MAX: variants seen among roughly 807,000 people sequenced by gnomAD.
MAX encodes the protein MYC associated transcriptional regulator X.
MAX carries 3 observed loss-of-function variants against 22.3 expected under a neutral mutation model. The ratio of observed to expected loss-of-function variants is 0.13; its 90% CI spans 0.06 to 0.35. The LOEUF is 0.35. Among genes scored for constraint, MAX ranks in the 10% least tolerant of loss-of-function variants. The pLI is 1.00. For missense variants in MAX, 119 were observed against 209.4 expected (o/e 0.57, Z 2.66); for synonymous variants, 72 against 77.7 (o/e 0.93, Z 0.39).
intron 3 of MAX, among the ~76,000 whole-genome samples, chr14:65,051,722 T>G (rs1262030674): frequency 6.6e-6 from 1 of 152,172 alleles, no homozygotes; most frequent in African/African-American, 2.4e-5. Flanking sequence ...TTTCCCCCGT[T>G]TTTCTTTTTT....
intron 3 of MAX, among the ~76,000 whole-genome samples, chr14:65,083,260 C>T (rs1434780426): frequency 6.6e-6 from 1 of 152,200 alleles, no homozygotes; most frequent in East Asian, 1.9e-4. Flanking sequence ...CAAGAACTGA[C>T]TACATATGTC....
intron 3 of MAX, among the ~76,000 whole-genome samples, chr14:65,067,812 T>TG (rs1348394791): frequency 2.0e-5 from 3 of 147,606 alleles, no homozygotes; most frequent in Admixed American, 2.0e-4. Flanking sequence ...TTTTTTTTTT[T>TG]GGTAGAGGCA....
In MAX at chr14:65,054,477, A is replaced by C; in HGVS notation, c.171+39231T>G. 2 of 1,180,676 alleles carry C rather than the reference A, an allele frequency of 1.7e-6. No homozygotes were observed. The allele number at this position is 1,180,676 out of a possible 1,614,324, so 73.1% of individuals were successfully genotyped here. A position where few individuals can be genotyped will look rare whatever the true frequency, so the allele number is the denominator to read the frequency against. The stretch of plus-strand genomic sequence containing the variant: ...CTAGCCACATGGAGGATGGGGGGGG[A>C]CGTGTGATTGCACCAGTGGTCTCTG... On this transcript the variant is annotated intron_variant, in intron 3 of 3. Transcript: ENST00000341653. The surrounding 1 kb of genome is among the most constrained non-coding windows in gnomAD (Gnocchi z 4.4).
intron 3 of MAX, among the ~76,000 whole-genome samples, chr14:65,018,838 C>T (rs1054211298): frequency 2.7e-5 from 4 of 148,590 alleles, no homozygotes; most frequent in Admixed American, 2.0e-4. Flanking sequence ...AGGCCAGGCG[C>T]GGTGGCTCAC....
At position 65,082,925 on chromosome 14, in the gene MAX, G is replaced by GC. The variant is rs2063235692; in HGVS notation, c.172-4890_172-4889insG. ...CCTCAAGATGCAAGCGAGCTTGAGAGAACTGACCTAACCATCTGGTCTGGA... is the reference window on the plus strand; with the variant it reads ...CCTCAAGATGCAAGCGAGCTTGAGAGCAACTGACCTAACCATCTGGTCTGGA... On this transcript the variant is annotated intron_variant, in intron 3 of 4. Coordinates refer to ENST00000358664, the MANE Select transcript of MAX (RefSeq NM_002382.5). This position sits in a 1 kb window ranked among gnomAD's most constrained non-coding sequence, Gnocchi z 4.8. 1.3e-5 allele frequency among the ~76,000 whole-genome samples: 2 copies of GC among 152,212 alleles called. No individual in the cohort carries two copies. Among genetic ancestry groups the GC allele is most frequent in the African/African-American group, 4.8e-5 (2 of 41,460 alleles).
Position 65,044,247 on chromosome 14 carries a change from TTC to T in MAX, c.172-37965_172-37964del, listed in dbSNP as rs777164875. The T allele has an allele frequency of 2.5e-6, 4 of 1,606,682 alleles. No homozygotes were observed. Among genetic ancestry groups the T allele is most frequent in the Non-Finnish European group, 3.4e-6 (4 of 1,177,136 alleles). On this transcript the variant is annotated intron_variant, in intron 3 of 3. Coordinates refer to the MAX transcript ENST00000341653. This position sits in a 1 kb window ranked among gnomAD's most constrained non-coding sequence, Gnocchi z 5.5. ...CATCCCACAGATTGACTCCTGGAGA[TTC>T]TGTCGGGCTGGATTTTGTCTCTTTT...
intron 3 of MAX, among the ~76,000 whole-genome samples, chr14:65,083,400 G>A (rs1392197349): frequency 2.0e-5 from 3 of 152,316 alleles, no homozygotes; most frequent in African/African-American, 7.2e-5. Flanking sequence ...TTAAAGCAAT[G>A]GTTCTCAAAA....
intron 3 of MAX, among the ~76,000 whole-genome samples, chr14:65,058,924 T>C (rs1024124872): frequency 6.6e-6 from 1 of 152,248 alleles, no homozygotes; most frequent in Non-Finnish European, 1.5e-5. Context: ...GAAAGATTGA[T>C]CTAAAATTTT....
Position 65,075,210 on chromosome 14 carries a change from A to G in MAX, c.*1266T>C. On this transcript the variant is annotated 3_prime_UTR_variant, in exon 5 of 5. Coordinates refer to ENST00000358664, the MANE Select transcript of MAX (RefSeq NM_002382.5). This position sits in a 1 kb window ranked among gnomAD's most constrained non-coding sequence, Gnocchi z 4.1. ...AAGACAATTCTTCGGCAGTATGTAC[A>G]ACATACTTTTTATTTCCATGGAATG... The G allele has an allele frequency of 2.9e-6, 3 of 1,049,748 alleles. No individual in the cohort carries two copies. Among genetic ancestry groups the G allele is most frequent in the Non-Finnish European group, 3.5e-6 (3 of 869,464 alleles). 65.0% of individuals were successfully genotyped at this position (1,049,748 alleles called of 1,614,324 possible). A position where few individuals can be genotyped will look rare whatever the true frequency, so the allele number is the denominator to read the frequency against.
chr14:65,076,733 G>A lies in MAX; in HGVS notation c.296-70C>T. On this transcript the variant is annotated intron_variant, in intron 4 of 4. Coordinates refer to ENST00000358664, the MANE Select transcript of MAX (RefSeq NM_002382.5). The surrounding 1 kb of genome is among the most constrained non-coding windows in gnomAD (Gnocchi z 6.6). ...GGGGAGTAACCGAGTCTCAGACTCA[G>A]GGTCCAGCCTGTTCTTCCTAAGGGC... 3.2e-6 allele frequency: 5 copies of A among 1,586,000 alleles called. No homozygotes were observed. Among genetic ancestry groups the A allele is most frequent in the South Asian group, 1.1e-5 (1 of 90,238 alleles).
rs964162351 is a variant in MAX at position 65,030,221 on chromosome 14, G to A, written c.172-23937C>T. ...CTCTTTAAGAGGCCTACAATTGCAA[G>A]GAAATTAGACAGATCTTCAAAATTA... On this transcript the variant is annotated intron_variant, in intron 3 of 3. Transcript: ENST00000341653. This position sits in a 1 kb window ranked among gnomAD's most constrained non-coding sequence, Gnocchi z 4.5. Among the ~76,000 whole-genome samples, 2 of 152,186 alleles carry A rather than the reference G, an allele frequency of 1.3e-5. No individual in the cohort carries two copies. The highest frequency in any genetic ancestry group is 4.8e-5 in the African/African-American group (2 of 41,452).
At chr14:65,019,392 CAGG>C (rs2061845069) in intron 3 of MAX, among the ~76,000 whole-genome samples, 1 of 151,796 alleles carries the variant, frequency 6.6e-6, no homozygotes, top group South Asian at 2.1e-4. Context: ...GAGACTGAAG[CAGG>C]AGAATTGCTT....
At chr14:65,099,076 C>G (rs546507643) in intron 2 of MAX, among the ~76,000 whole-genome samples, 1 of 152,060 alleles carries the variant, frequency 6.6e-6, no homozygotes, top group Admixed American at 6.5e-5. Context: ...GAATAGCTCC[C>G]TCTTAAATTT....
intron 3 of MAX, among the ~76,000 whole-genome samples, chr14:65,087,831 A>G (rs150037708): frequency 1.3e-5 from 2 of 152,278 alleles, no homozygotes; most frequent in East Asian, 3.9e-4. Flanking sequence ...GCAGAATAAT[A>G]TAGTTTGGCT....
chr14:65,072,835 T>C (rs914821118), downstream of MAX, among the ~76,000 whole-genome samples: 1 of 152,252 alleles, frequency 6.6e-6, no homozygotes, highest in East Asian at 1.9e-4. Context: ...CCACAGGGGC[T>C]GCTTTAGTCT....
rs191304972 is a variant in MAX, at chr14:65,069,581, C to T, written c.171+24127G>A. On this transcript the variant is annotated intron_variant, in intron 3 of 3. Coordinates refer to the MAX transcript ENST00000341653. The surrounding 1 kb of genome is among the most constrained non-coding windows in gnomAD (Gnocchi z 4.6). ...CTCAAATACCCGAGGGTTGAACTCA[C>T]GCAGAGGCAACCCTGGAACCGCCCT... Among the ~76,000 whole-genome samples, 3 of 152,248 alleles carry T rather than the reference C, an allele frequency of 2.0e-5. No individual in the cohort carries two copies. The South Asian group carries it at 6.2e-4, about 31-fold the overall frequency.
At chr14:65,035,967 G>C (rs1338449266) in intron 3 of MAX, among the ~76,000 whole-genome samples, 1 of 151,952 alleles carries the variant, frequency 6.6e-6, no homozygotes. Flanking sequence ...GAGTAGCAGA[G>C]ACCACAGGTG....
At chr14:65,096,113 A>G (rs1319914318) in intron 2 of MAX, among the ~76,000 whole-genome samples, 1 of 152,224 alleles carries the variant, frequency 6.6e-6, no homozygotes. Context: ...AGTTGGCTCA[A>G]CAAGGAAAGG....
chr14:65,040,677 G>T, intron 3 of MAX: 1 of 1,074,566 alleles, frequency 9.3e-7, no homozygotes. Context: ...TCATAGTTGT[G>T]ATGGTTCACA....
Sources: gnomAD v4.1 joint callset for allele counts (sites outside exome capture counted in the v4.1 genomes callset) on GRCh38, gnomAD v4.1.1 for gene constraint, Gnocchi (gnomAD v3.1) non-coding constraint, MANE v1.5 for transcripts, NCBI Gene and HGNC (gene_info 2026-07-23, HGNC 2026-07-21) for gene names.